ACLY: variants seen among roughly 807,000 people sequenced by gnomAD.
ACLY encodes the protein ATP citrate lyase, also known as ATP-citrate synthase.
Under a neutral mutation model 133.0 loss-of-function variants are expected in ACLY, and 41 were observed. That is an observed-to-expected ratio of 0.31 (90% CI 0.24 to 0.40). The LOEUF (loss-of-function observed/expected upper bound fraction) is 0.40, where lower values mean the gene tolerates loss of function less well. Ranked by LOEUF, ACLY falls within the 10% of genes least tolerant of loss-of-function variation. The probability of loss-of-function intolerance (pLI) is 1.00; values close to 1 mark genes in which losing one functional copy is unlikely to be tolerated. For missense variants in ACLY, 1,046 were observed against 1,453.8 expected (o/e 0.72, Z 4.56); for synonymous variants, 495 against 549.3 (o/e 0.90, Z 1.38).
intron 22 of ACLY, among the ~76,000 whole-genome samples, chr17:41,875,810 C>T (rs1555626032): frequency 6.6e-6 from 1 of 152,178 alleles, no homozygotes; most frequent in South Asian, 2.1e-4. Flanking sequence ...ACCTCCCGGC[C>T]GCCTGCCTTG....
intron 11 of ACLY, among the ~76,000 whole-genome samples, chr17:41,901,386 G>A (rs559351446): frequency 1.3e-5 from 2 of 151,974 alleles, no homozygotes; most frequent in Non-Finnish European, 2.9e-5. Context: ...TGTGTCCTCC[G>A]TTCCATCAAG....
intron 16 of ACLY, among the ~76,000 whole-genome samples, chr17:41,888,940 G>A (rs1463478286): frequency 6.6e-6 from 1 of 151,926 alleles, no homozygotes; most frequent in Non-Finnish European, 1.5e-5. Flanking sequence ...CCAACATGGA[G>A]AAAACCCATC....
chr17:41,893,377 A>G (rs1295945316), intron 14 of ACLY, among the ~76,000 whole-genome samples: 1 of 152,212 alleles, frequency 6.6e-6, no homozygotes, highest in Non-Finnish European at 1.5e-5. Flanking sequence ...GGTGGCAGAA[A>G]GAGCAAATCA....
intron 10 of ACLY, 84 bp downstream of exon 10, chr17:41,904,645 G>T: frequency 7.3e-7 from 1 of 1,367,226 alleles, no homozygotes; most frequent in Non-Finnish European, 1.0e-6. Flanking sequence ...ACTTGGCTCT[G>T]GCTCAAACTC....
chr17:41,891,491 C>T (rs2049210575), intron 16 of ACLY, among the ~76,000 whole-genome samples: 1 of 152,038 alleles, frequency 6.6e-6, no homozygotes, highest in African/African-American at 2.4e-5. Context: ...TAGCCTTGAC[C>T]TCCCAGGCTC....
chr17:41,906,074 A>G (rs1369008833), intron 8 of ACLY, among the ~76,000 whole-genome samples: 1 of 152,226 alleles, frequency 6.6e-6, no homozygotes, highest in African/African-American at 2.4e-5. Flanking sequence ...GCAGGTGTCT[A>G]CCATGCTTAA....
intron 3 of ACLY, 76 bp downstream of exon 3, chr17:41,912,344 C>A: frequency 1.3e-6 from 2 of 1,565,356 alleles, no homozygotes; most frequent in Non-Finnish European, 1.7e-6. Context: ...GGGTGATCCA[C>A]AGAGCTGCTG....
In ACLY at chr17:41,867,290, A is replaced by G. The variant is rs971990907; in HGVS notation, c.*520T>C. On this transcript the variant is annotated 3_prime_UTR_variant, in exon 29 of 29. Coordinates refer to ENST00000352035, the MANE Select transcript of ACLY (RefSeq NM_001096.3). ...GATACCAAACAAGCCCTTAACACGT[A>G]ACATACAAAAAGATCTTTAAAAATC... is the stretch of plus-strand genomic sequence containing the variant. The G allele has an allele frequency of 1.3e-5, 2 of 152,574 alleles. No individual in the cohort carries two copies. Among genetic ancestry groups the G allele is most frequent in the African/African-American group, 4.8e-5 (2 of 41,446 alleles). The allele number at this position is 152,574 out of a possible 1,614,324, so 9.5% of individuals were successfully genotyped here.
rs782797920 is a variant in ACLY at position 41,873,971 on chromosome 17, C to T, written c.2488-6G>A. 2.5e-6 allele frequency: 4 copies of T among 1,589,160 alleles called. No individual in the cohort carries two copies. Among genetic ancestry groups the T allele is most frequent in the Admixed American group, 3.4e-5 (2 of 58,594 alleles). On this transcript the variant is annotated splice_region_variant and splice_polypyrimidine_tract_variant and intron_variant, in intron 22 of 28. Transcript: ENST00000352035. ...TTGCGGATCAAACCAAGCTCCTGGG[C>T]AGAGATGGGGAAGAGGGAAGCAGGG...
chr17:41,899,415 C>T (rs1480378552), intron 11 of ACLY, among the ~76,000 whole-genome samples: 1 of 152,164 alleles, frequency 6.6e-6, no homozygotes, highest in African/African-American at 2.4e-5. Context: ...ATGCATCCAC[C>T]AGTGCTTGGT....
intron 1 of ACLY, among the ~76,000 whole-genome samples, chr17:41,917,125 ACT>A (rs534185271): frequency 7.0e-4 from 91 of 130,672 alleles, no homozygotes; most frequent in African/African-American, 2.6e-3. Flanking sequence ...ACAGAGCAAG[ACT>A]CTGTCTCAAA....
At chr17:41,911,161 G>C (rs1555633595) in intron 3 of ACLY, among the ~76,000 whole-genome samples, 2 of 152,202 alleles carry the variant, frequency 1.3e-5, no homozygotes, top group African/African-American at 4.8e-5. Context: ...CAGAAACTGG[G>C]AAATTAACAT....
At chr17:41,898,504 A>T in intron 12 of ACLY, 127 bp downstream of exon 12, 1 of 1,299,892 alleles carries the variant, frequency 7.7e-7, no homozygotes, top group East Asian at 2.5e-5. Flanking sequence ...GAGATCCACA[A>T]ACCAACCATG....
chr17:41,874,841 G>A (rs2048691044), intron 22 of ACLY, among the ~76,000 whole-genome samples: 1 of 151,158 alleles, frequency 6.6e-6, no homozygotes. Flanking sequence ...CCAAAGTGCT[G>A]GGATTACAGG....
intron 16 of ACLY, 151 bp from the exon 17 acceptor site, chr17:41,887,854 G>A (rs1327532879): frequency 1.6e-5 from 10 of 632,754 alleles, no homozygotes; most frequent in Admixed American, 4.7e-5. Flanking sequence ...TCAGCCGGGC[G>A]CGGTGGCTCA....
At chr17:41,913,556 C>G (rs2049963868) in intron 2 of ACLY, among the ~76,000 whole-genome samples, 159 bp downstream of exon 2, 2 of 152,242 alleles carry the variant, frequency 1.3e-5, no homozygotes, top group South Asian at 4.1e-4. Context: ...CAGGGCTCAG[C>G]ATGAACACAA....
chr17:41,930,376 A>ATTCGGAACTTTGCCTCCAACCCTC (rs1317980512), exon 1 of ACLY: 7 of 250,516 alleles, frequency 2.8e-5, no homozygotes, highest in African/African-American at 1.6e-4. Flanking sequence ...CCTCATCCCT[A>ATTCGGAACTTTGCCTCCAACCCTC]TTCGGAACTT....
chr17:41,869,192 G>C (rs1460703760), intron 26 of ACLY, 67 bp from the exon 27 acceptor site: 1 of 1,387,720 alleles, frequency 7.2e-7, no homozygotes, highest in Admixed American at 1.8e-5. Context: ...ATTTTCCACT[G>C]TCACTACTAT....
intron 23 of ACLY, among the ~76,000 whole-genome samples, chr17:41,872,621 G>A (rs1555625350): frequency 6.6e-6 from 1 of 152,150 alleles, no homozygotes; most frequent in Non-Finnish European, 1.5e-5. Context: ...GAGCCACCGC[G>A]CCCGGCCCCA....
Sources: allele counts gnomAD v4.1 joint callset (sites outside exome capture counted in the v4.1 genomes callset), GRCh38; gene constraint gnomAD v4.1.1; transcripts MANE v1.5; gene names NCBI Gene and HGNC (gene_info 2026-07-23, HGNC 2026-07-21).